NAT8L: variants seen among roughly 807,000 people sequenced by gnomAD.
The protein encoded by NAT8L is aspartate N-acetyltransferase.
A neutral mutation model predicts 21.2 loss-of-function variants in NAT8L; 6 were observed. That is an observed-to-expected ratio of 0.28 (90% CI 0.16 to 0.56). The LOEUF (loss-of-function observed/expected upper bound fraction) is 0.56, where lower values mean the gene tolerates loss of function less well. Ranked by LOEUF, NAT8L falls within the 20% of genes least tolerant of loss-of-function variation. The pLI, the probability that NAT8L is intolerant of heterozygous loss-of-function variation, is 0.93. For synonymous variants in NAT8L, 239 were observed against 204.9 expected, an observed-to-expected ratio of 1.17 and a Z score of -1.42; for missense variants, 331 against 433.3, an observed-to-expected ratio of 0.76 and a Z score of 2.10.
At position 2,063,946 on chromosome 4, in the gene NAT8L, C is replaced by T. The variant is rs460589; in HGVS notation, c.728C>T (p.Ala243Val). ...TTCGCCGTGGTGCACAACTACTCCG[C>T]GGTGGTGCTGGGCACGACGGCCGTC... ...LEFAVVHNYSAVVLGTTAVKV... is the reference protein window; with the variant it reads ...LEFAVVHNYSVVVLGTTAVKV... Residue 243 changes from alanine to valine, a missense_variant, in exon 3 of 3, where the codon GCG becomes GTG. Transcript: ENST00000423729. 5 of 1,611,814 alleles carry T rather than the reference C, an allele frequency of 3.1e-6. No homozygotes were observed.
rs1729825667 is a variant in NAT8L, at chr4:2,060,165, C to T, written c.376+278C>T. Among the ~76,000 whole-genome samples, 1 of 152,036 alleles carries T rather than the reference C, an allele frequency of 6.6e-6. No homozygotes were observed. On this transcript the variant is annotated intron_variant, in intron 1 of 2. Coordinates refer to ENST00000423729, the MANE Select transcript of NAT8L (RefSeq NM_178557.4). This position sits in a 1 kb window ranked among gnomAD's most constrained non-coding sequence, Gnocchi z 4.7. Reference sequence around the variant, plus strand: ...GCCTCCCCTGTCCCCTCCCGGGCATCCTGGGTGGGGGCGGGTGCCAGGGCA... The same window carrying T: ...GCCTCCCCTGTCCCCTCCCGGGCATTCTGGGTGGGGGCGGGTGCCAGGGCA...
rs1730055501 is a variant in NAT8L, at chr4:2,068,591, T to A, written c.*4464T>A. Reference sequence around the variant, plus strand: ...GAGCATGCACATGTGTATGGATGCATATGTGAGCTGTACATGTAGAGTGTA... The same window carrying A: ...GAGCATGCACATGTGTATGGATGCAAATGTGAGCTGTACATGTAGAGTGTA... On this transcript the variant is annotated 3_prime_UTR_variant, in exon 3 of 3. Coordinates refer to ENST00000423729, the MANE Select transcript of NAT8L (RefSeq NM_178557.4). The A allele has an allele frequency of 6.6e-6, 1 of 152,198 alleles. No individual in the cohort carries two copies. The highest frequency in any genetic ancestry group is 1.5e-5 in the Non-Finnish European group (1 of 68,046). 9.4% of individuals were successfully genotyped at this position (152,198 alleles called of 1,614,324 possible).
chr4:2,067,513 G>A lies in NAT8L; in HGVS notation c.*3386G>A, dbSNP rs1730028847. On this transcript the variant is annotated 3_prime_UTR_variant, in exon 3 of 3. Coordinates refer to ENST00000423729, the MANE Select transcript of NAT8L (RefSeq NM_178557.4). ...GACGCCCTGAGCTTCCTGGCTGTGTGGCAGGTGCTGGGGAAGCTCTCTGGG... is the reference window on the plus strand; with the variant it reads ...GACGCCCTGAGCTTCCTGGCTGTGTAGCAGGTGCTGGGGAAGCTCTCTGGG... The A allele has an allele frequency of 6.6e-6, 1 of 152,418 alleles. No homozygotes were observed. The highest frequency in any genetic ancestry group is 1.5e-5 in the Non-Finnish European group (1 of 68,176). 9.4% of individuals were successfully genotyped at this position (152,418 alleles called of 1,614,324 possible).
At chr4:2,062,675 G>T (rs1212039905) in intron 2 of NAT8L, among the ~76,000 whole-genome samples, 3 of 152,058 alleles carry the variant, frequency 2.0e-5, no homozygotes, top group Non-Finnish European at 2.9e-5. Flanking sequence ...TGCCTGCCAG[G>T]CCTCAGTGTC....
intron 2 of NAT8L, among the ~76,000 whole-genome samples, chr4:2,063,447 G>C (rs1729930436): frequency 6.6e-6 from 1 of 152,280 alleles, no homozygotes; most frequent in African/African-American, 2.4e-5. Context: ...ACTACTCTGA[G>C]CAGCGCAGCC....
Position 2,065,479 on chromosome 4 carries a change from C to T in NAT8L, c.*1352C>T, listed in dbSNP as rs1393709258. 2 of 152,520 alleles carry T rather than the reference C, an allele frequency of 1.3e-5. No individual in the cohort carries two copies. The highest frequency in any genetic ancestry group is 2.9e-5 in the Non-Finnish European group (2 of 68,308). The allele number at this position is 152,520 out of a possible 1,614,324, so 9.4% of individuals were successfully genotyped here. On this transcript the variant is annotated 3_prime_UTR_variant, in exon 3 of 3. Transcript: ENST00000423729. The stretch of plus-strand genomic sequence containing the variant: ...GGGGAGACAGAGGTGGAGGGTGGCA[C>T]AGGCTGCACATTCAGCTTAGAAGTG...
chr4:2,062,521 C>T (rs898729730), intron 2 of NAT8L, among the ~76,000 whole-genome samples: 10 of 151,672 alleles, frequency 6.6e-5, no homozygotes, highest in African/African-American at 2.4e-4. Context: ...GACAGGGGGC[C>T]GAGGAGGGGC....
At position 2,065,845 on chromosome 4, in the gene NAT8L, C is replaced by G. The variant is rs1000588621; in HGVS notation, c.*1718C>G. On this transcript the variant is annotated 3_prime_UTR_variant, in exon 3 of 3. Coordinates refer to ENST00000423729, the MANE Select transcript of NAT8L (RefSeq NM_178557.4). Reference sequence around the variant, plus strand: ...TGTACAGAAATCGGCACCCTATTTTCTTGCAGCTCAGATTTTGTTAATCTG... The same window carrying G: ...TGTACAGAAATCGGCACCCTATTTTGTTGCAGCTCAGATTTTGTTAATCTG... The G allele has an allele frequency of 6.6e-6, 1 of 152,618 alleles. No individual in the cohort carries two copies. The highest frequency in any genetic ancestry group is 1.5e-5 in the Non-Finnish European group (1 of 68,068). The allele number at this position is 152,618 out of a possible 1,614,324, so 9.5% of individuals were successfully genotyped here. A position where few individuals can be genotyped will look rare whatever the true frequency, so the allele number is the denominator to read the frequency against.
chr4:2,064,301 C>T lies in NAT8L; in HGVS notation c.*174C>T, dbSNP rs1255455300. 9.7e-6 allele frequency: 3 copies of T among 310,526 alleles called. No homozygotes were observed. The highest frequency in any genetic ancestry group is 2.3e-5 in the African/African-American group (1 of 44,226). The allele number at this position is 310,526 out of a possible 1,614,324, so 19.2% of individuals were successfully genotyped here. A position where few individuals can be genotyped will look rare whatever the true frequency, so the allele number is the denominator to read the frequency against. ...CGGGGGGTGCGGGGCTGTTGTTCTT[C>T]GGCGACACTTTGGTGGGGGTGGGTT... On this transcript the variant is annotated 3_prime_UTR_variant, in exon 3 of 3. Transcript: ENST00000423729.
chr4:2,061,454 G>A (rs1363144917), intron 2 of NAT8L, among the ~76,000 whole-genome samples: 2 of 152,220 alleles, frequency 1.3e-5, no homozygotes, highest in African/African-American at 4.8e-5. Context: ...GGCAAGGGCC[G>A]CTGGGCTCTG....
In NAT8L at chr4:2,060,965, G is replaced by GCCGCGCCGCTGAC; in HGVS notation, c.377-25_377-13dup. ...GCGTCTCTGGGGCCTGGGGACCCCCGCCGCGCCGCTGACCCGCGCCCTCTG... is the reference window on the plus strand; with the variant it reads ...GCGTCTCTGGGGCCTGGGGACCCCCGCCGCGCCGCTGACCCGCGCCGCTGACCCGCGCCCTCTG... On this transcript the variant is annotated intron_variant, in intron 1 of 2. Transcript: ENST00000423729. This position sits in a 1 kb window ranked among gnomAD's most constrained non-coding sequence, Gnocchi z 4.7. 1 of 1,333,168 alleles carries GCCGCGCCGCTGAC rather than the reference G, an allele frequency of 7.5e-7. No homozygotes were observed. The highest frequency in any genetic ancestry group is 1.0e-6 in the Non-Finnish European group (1 of 972,930). 82.6% of individuals were successfully genotyped at this position (1,333,168 alleles called of 1,614,324 possible).
rs1442717630 is a variant in NAT8L at position 2,059,911 on chromosome 4, G to A, written c.376+24G>A. The A allele has an allele frequency of 1.6e-6, 2 of 1,235,266 alleles. No individual in the cohort carries two copies. Among genetic ancestry groups the A allele is most frequent in the South Asian group, 2.3e-5 (1 of 44,322 alleles). 76.5% of individuals were successfully genotyped at this position (1,235,266 alleles called of 1,614,324 possible). On this transcript the variant is annotated intron_variant, in intron 1 of 2. Coordinates refer to ENST00000423729, the MANE Select transcript of NAT8L (RefSeq NM_178557.4). The surrounding 1 kb of genome is among the most constrained non-coding windows in gnomAD (Gnocchi z 4.8). ...GGGTCAGTGCGCCGGGCCCCCGGCT[G>A]CCGCAGTCCCTCGGGCCGGCGCGGA...
chr4:2,066,195 T>TGG lies in NAT8L; in HGVS notation c.*2068_*2069insGG, dbSNP rs2108681891. 1 of 152,322 alleles carries TGG rather than the reference T, an allele frequency of 6.6e-6. No homozygotes were observed. The highest frequency in any genetic ancestry group is 6.5e-5 in the Admixed American group (1 of 15,300). The allele number at this position is 152,322 out of a possible 1,614,324, so 9.4% of individuals were successfully genotyped here. A position where few individuals can be genotyped will look rare whatever the true frequency, so the allele number is the denominator to read the frequency against. On this transcript the variant is annotated 3_prime_UTR_variant, in exon 3 of 3. Coordinates refer to ENST00000423729, the MANE Select transcript of NAT8L (RefSeq NM_178557.4). ...GCCAGTGTCTCCTTGATATTGATCC[T>TGG]AGCAGATCCCCCTCCTGGGGGTTCT...
In NAT8L at chr4:2,060,477, C is replaced by A. The variant is rs1729832263; in HGVS notation, c.377-521C>A. On this transcript the variant is annotated intron_variant, in intron 1 of 2. Coordinates refer to ENST00000423729, the MANE Select transcript of NAT8L (RefSeq NM_178557.4). The surrounding 1 kb of genome is among the most constrained non-coding windows in gnomAD (Gnocchi z 4.7). ...CGCGACTCCCCCAAGGTCACGGCAG[C>A]CGAAATGCGGCTGGAAGCGGTGTGG... Among the ~76,000 whole-genome samples the A allele has an allele frequency of 6.6e-6, 1 of 152,202 alleles. No homozygotes were observed. The highest frequency in any genetic ancestry group is 6.5e-5 in the Admixed American group (1 of 15,292).
chr4:2,062,854 C>T (rs1004531106), intron 2 of NAT8L, among the ~76,000 whole-genome samples: 1 of 152,150 alleles, frequency 6.6e-6, no homozygotes, highest in Non-Finnish European at 1.5e-5. Flanking sequence ...CCTCCACTGG[C>T]CAAACCCTTG....
In NAT8L at chr4:2,063,825, G is replaced by A. The variant is rs562295216; in HGVS notation, c.607G>A (p.Glu203Lys). 345 of 1,612,380 alleles carry A rather than the reference G, an allele frequency of 2.1e-4. 4 individuals carry two copies. The South Asian group carries it at 3.7e-3, about 17-fold the overall frequency. ...GGGCATTGTGGCTGCACGGGCCCAC[G>A]AGGAGGACAACACGGTGGAGCTGCT... is the stretch of plus-strand genomic sequence containing the variant. ...VVGIVAARAH[E>K]EDNTVELLRM... is the part of the protein sequence containing the mutation. Residue 203 changes from glutamate to lysine, a missense_variant, in exon 3 of 3, where the codon GAG becomes AAG. Coordinates refer to ENST00000423729, the MANE Select transcript of NAT8L (RefSeq NM_178557.4).
In NAT8L at chr4:2,063,890, C is replaced by T. The variant is rs374871366; in HGVS notation, c.672C>T (p.Ile224=). 38 of 1,612,242 alleles carry T rather than the reference C, an allele frequency of 2.4e-5. No individual in the cohort carries two copies. The highest frequency in any genetic ancestry group is 1.6e-4 in the Middle Eastern group (1 of 6,076). Residue 224 remains isoleucine (I), a synonymous_variant, in exon 3 of 3, where the codon ATC becomes ATT. Transcript: ENST00000423729. ...ACTCACGTTTCCGAGGCAAGGGCAT[C>T]GCCAAGGCGCTGGGCCGGAAGGTGC... ...SVDSRFRGKG[I]AKALGRKVLE...
In NAT8L at chr4:2,064,104, C is replaced by T. The variant is rs757867592; in HGVS notation, c.886C>T (p.Arg296Cys). Residue 296 changes from arginine (R) to cysteine (C), a missense_variant, in exon 3 of 3, where the codon CGC (arginine) becomes TGC (cysteine). Arg to Cys is a radical substitution (Grantham distance 180). Transcript: ENST00000423729. ...LFFQVRYHRYRLQLREE is the reference protein window; with the variant it reads ...LFFQVRYHRYCLQLREE ...CTTCCAGGTCCGCTACCACCGCTAC[C>T]GCCTGCAGCTGCGCGAGGAGTGACC... is the stretch of plus-strand genomic sequence containing the variant. The T allele has an allele frequency of 6.3e-6, 10 of 1,599,106 alleles. No homozygotes were observed. The highest frequency in any genetic ancestry group is 2.2e-5 in the East Asian group (1 of 44,528).
chr4:2,062,853 G>GT, intron 2 of NAT8L, among the ~76,000 whole-genome samples: 1 of 152,168 alleles, frequency 6.6e-6, no homozygotes, highest in Non-Finnish European at 1.5e-5. Context: ...CCCTCCACTG[G>GT]CCAAACCCTT....
Sources: gnomAD v4.1 joint callset for allele counts (sites outside exome capture counted in the v4.1 genomes callset) on GRCh38, gnomAD v4.1.1 for gene constraint, Gnocchi (gnomAD v3.1) non-coding constraint, MANE v1.5 for transcripts, NCBI Gene and HGNC (gene_info 2026-07-23, HGNC 2026-07-21) for gene names.